The following WDR7 variants were observed in gnomAD, a reference collection of about 807,000 sequenced individuals.
WDR7 encodes WD repeat-containing protein 7.
In WDR7, 46 loss-of-function variants were observed where a neutral mutation model predicts 169.4. The ratio of observed to expected loss-of-function variants is 0.27; its 90% CI spans 0.21 to 0.35. The LOEUF is 0.35. Among genes scored for constraint, WDR7 ranks in the 10% least tolerant of loss-of-function variants. The probability of loss-of-function intolerance (pLI) is 1.00; values close to 1 mark genes in which losing one functional copy is unlikely to be tolerated. For missense variants in WDR7, 1,534 were observed against 1,859.3 expected, an observed-to-expected ratio of 0.83 and a Z score of 3.22; for synonymous variants, 612 against 666.8, an observed-to-expected ratio of 0.92 and a Z score of 1.27.
At chr18:56,843,712 A>G (rs1234073378) in intron 20 of WDR7, among the ~76,000 whole-genome samples, 1 of 152,166 alleles carries the variant, frequency 6.6e-6, no homozygotes, top group Non-Finnish European at 1.5e-5. Flanking sequence ...TTGTTGTAAT[A>G]CATGGTCATT....
At chr18:56,857,816 G>T (rs879035076) in intron 20 of WDR7, among the ~76,000 whole-genome samples, 26 of 152,202 alleles carry the variant, frequency 1.7e-4, no homozygotes, top group Admixed American at 1.5e-3. Flanking sequence ...CCAGAGGACC[G>T]CCAGCTAGCA....
chr18:56,708,840 G>A (rs141176810), intron 12 of WDR7, among the ~76,000 whole-genome samples: 1,853 of 152,254 alleles, frequency 0.012, 39 homozygotes, highest in African/African-American at 0.042. Context: ...GAGAGACTGA[G>A]GTAGGAGAAT....
At chr18:57,031,290 C>A (rs1043170353), downstream of WDR7, 2 of 152,098 alleles carry the variant, frequency 1.3e-5, no homozygotes, top group Non-Finnish European at 2.9e-5. Flanking sequence ...TCCCTTTAAG[C>A]AAATTACTTA....
intron 26 of WDR7, among the ~76,000 whole-genome samples, chr18:56,990,682 T>G (rs2047798655): frequency 6.6e-6 from 1 of 152,190 alleles, no homozygotes; most frequent in Non-Finnish European, 1.5e-5. Context: ...TGAGTTGATG[T>G]AAATGTTTAT....
chr18:56,844,166 T>C (rs1333415918), intron 20 of WDR7, among the ~76,000 whole-genome samples: 1 of 152,026 alleles, frequency 6.6e-6, no homozygotes, highest in Non-Finnish European at 1.5e-5. Context: ...CAATCTATTT[T>C]TTTTTTTTTA....
Position 56,838,249 on chromosome 18 carries a change from T to C in WDR7, c.3304+22105T>C, listed in dbSNP as rs567606174. ...TTTTATTTCTTTATACCTGAAAGTA[T>C]GTTCTTTGATCCTTATTTAAGTTCT... On this transcript the variant is annotated intron_variant, in intron 20 of 27. Transcript: ENST00000254442. Among the ~76,000 whole-genome samples, 4 of 152,362 alleles carry C rather than the reference T, an allele frequency of 2.6e-5. No homozygotes were observed. In the South Asian group the frequency reaches 8.3e-4, roughly 32 times the overall value.
intron 14 of WDR7, among the ~76,000 whole-genome samples, chr18:56,741,391 G>C (rs994282896): frequency 1.3e-5 from 2 of 151,980 alleles, no homozygotes. Context: ...TCTTCTCTCT[G>C]CCTCTGCCAC....
intron 2 of WDR7, among the ~76,000 whole-genome samples, chr18:56,675,998 G>C (rs1489219063): frequency 6.6e-6 from 1 of 151,804 alleles, no homozygotes; most frequent in African/African-American, 2.4e-5. Flanking sequence ...TTATTGTATT[G>C]GGGCCTATCT....
intron 16 of WDR7, among the ~76,000 whole-genome samples, chr18:56,767,340 C>T (rs1429490135): frequency 6.6e-6 from 1 of 152,182 alleles, no homozygotes; most frequent in Non-Finnish European, 1.5e-5. Flanking sequence ...TCTTTCTGTA[C>T]ATTGAATTCT....
intron 25 of WDR7, among the ~76,000 whole-genome samples, chr18:56,939,956 C>T (rs1197500804): frequency 6.6e-6 from 1 of 150,868 alleles, no homozygotes; most frequent in Non-Finnish European, 1.5e-5. Flanking sequence ...AATTATATAG[C>T]ATATAATTAT....
rs1464385459 is a variant in WDR7 at position 56,737,385 on chromosome 18, G to A, written c.1989+5788G>A. Among the ~76,000 whole-genome samples, 5 of 152,254 alleles carry A rather than the reference G, an allele frequency of 3.3e-5. No homozygotes were observed. In the East Asian group the frequency reaches 9.7e-4, roughly 29 times the overall value. ...GTGAAGCTAGAAAACCATTACTGCCGTGAAATTAATTTCTTCATCCTACTG... is the reference window on the plus strand; with the variant it reads ...GTGAAGCTAGAAAACCATTACTGCCATGAAATTAATTTCTTCATCCTACTG... On this transcript the variant is annotated intron_variant, in intron 14 of 27. Coordinates refer to ENST00000254442, the MANE Select transcript of WDR7 (RefSeq NM_015285.3).
intron 12 of WDR7, 152 bp from the exon 13 acceptor site, chr18:56,717,812 T>C: frequency 3.3e-6 from 2 of 604,952 alleles, no homozygotes; most frequent in South Asian, 6.9e-5. Context: ...ATGTATAATA[T>C]AAAGGAACAT....
intron 21 of WDR7, among the ~76,000 whole-genome samples, chr18:56,917,298 G>A (rs1279048133): frequency 4.6e-5 from 7 of 152,128 alleles, no homozygotes; most frequent in Non-Finnish European, 8.8e-5. Context: ...AAAGATGTAA[G>A]AGAGGAAAAG....
intron 19 of WDR7, among the ~76,000 whole-genome samples, chr18:56,790,285 A>G (rs1599045547): frequency 6.6e-6 from 1 of 152,198 alleles, no homozygotes; most frequent in African/African-American, 2.4e-5. Flanking sequence ...ATGTTTTACC[A>G]CTTAGACACT....
At chr18:56,700,712 G>A (rs1033810330) in intron 12 of WDR7, among the ~76,000 whole-genome samples, 21 of 150,036 alleles carry the variant, frequency 1.4e-4, no homozygotes, top group Non-Finnish European at 3.1e-4. Flanking sequence ...TGGGACTACA[G>A]GCGCCCGCTA....
intron 20 of WDR7, among the ~76,000 whole-genome samples, chr18:56,837,494 A>G (rs1292061541): frequency 6.6e-6 from 1 of 152,238 alleles, no homozygotes; most frequent in Non-Finnish European, 1.5e-5. Flanking sequence ...TTTGATTAGT[A>G]TATTAAAATG....
intron 21 of WDR7, among the ~76,000 whole-genome samples, chr18:56,920,209 T>G (rs956773781): frequency 6.6e-6 from 1 of 152,186 alleles, no homozygotes; most frequent in Non-Finnish European, 1.5e-5. Context: ...TTTCTTTCCC[T>G]TCTCCTTTAA....
chr18:56,859,522 T>C (rs1292268467), intron 20 of WDR7, among the ~76,000 whole-genome samples: 1 of 152,196 alleles, frequency 6.6e-6, no homozygotes, highest in Non-Finnish European at 1.5e-5. Flanking sequence ...CTCTTAGTAT[T>C]ATTATACTTT....
At chr18:56,799,831 T>A (rs572993080) in intron 19 of WDR7, among the ~76,000 whole-genome samples, 48 of 152,282 alleles carry the variant, frequency 3.2e-4, no homozygotes, top group African/African-American at 1.1e-3. Flanking sequence ...TAACCTCCTT[T>A]AAAGCATAAT....
Sources: gnomAD v4.1 joint callset for allele counts (sites outside exome capture counted in the v4.1 genomes callset) on GRCh38, gnomAD v4.1.1 for gene constraint, MANE v1.5 for transcripts, NCBI Gene and HGNC (gene_info 2026-07-23, HGNC 2026-07-21) for gene names.